Variants in GNS observed in about 807,000 individuals in gnomAD.
The protein encoded by GNS is glucosamine (N-acetyl)-6-sulfatase.
GNS carries 40 observed loss-of-function variants against 69.7 expected under a neutral mutation model. That is an observed-to-expected ratio of 0.57 (90% CI 0.45 to 0.75). The LOEUF (loss-of-function observed/expected upper bound fraction) is 0.75, where lower values mean the gene tolerates loss of function less well. GNS is among the 30% of genes least tolerant of loss of function. The pLI is 0.00. For missense variants in GNS, 565 were observed against 685.5 expected, an observed-to-expected ratio of 0.82 and a Z score of 1.96; for synonymous variants, 243 against 251.6, an observed-to-expected ratio of 0.97 and a Z score of 0.32.
intron 6 of GNS, among the ~76,000 whole-genome samples, chr12:64,740,956 T>TA (rs1317341431): frequency 6.6e-6 from 1 of 152,148 alleles, no homozygotes; most frequent in Non-Finnish European, 1.5e-5. Context: ...TTGGCAGTAT[T>TA]AAGAGATTTT....
intron 13 of GNS, among the ~76,000 whole-genome samples, chr12:64,717,298 T>A (rs1403569279): frequency 1.3e-5 from 2 of 152,154 alleles, no homozygotes; most frequent in African/African-American, 4.8e-5. Context: ...AAAAAAATCA[T>A]ACAGCAAGAC....
intron 10 of GNS, among the ~76,000 whole-genome samples, chr12:64,726,481 A>C (rs1049768351): frequency 2.6e-5 from 4 of 152,248 alleles, no homozygotes; most frequent in Admixed American, 2.0e-4. Context: ...GTTTAGAAGC[A>C]TCTTTATAAA....
chr12:64,745,394 A>AT (rs1362441208), intron 4 of GNS, among the ~76,000 whole-genome samples: 2 of 151,354 alleles, frequency 1.3e-5, no homozygotes, highest in East Asian at 1.9e-4. Flanking sequence ...TAATTTTAAA[A>AT]TTTTTTGTTG....
Position 64,728,956 on chromosome 12 carries a change from C to G in GNS, c.1200G>C (p.Leu400Phe). The G allele has an allele frequency of 6.8e-7, 1 of 1,476,556 alleles. No individual in the cohort carries two copies. Among genetic ancestry groups the G allele is most frequent in the East Asian group, 2.3e-5 (1 of 44,204 alleles). 91.5% of individuals were successfully genotyped at this position (1,476,556 alleles called of 1,614,324 possible). Residue 400 changes from leucine to phenylalanine, a missense_variant and splice_region_variant, in exon 10 of 14, where the codon TTG (leucine) becomes TTC (phenylalanine). This residue lies in a region of GNS where 384 missense variants were observed against 511.0 expected (regional missense o/e 0.75). Coordinates refer to ENST00000258145, the MANE Select transcript of GNS (RefSeq NM_002076.4). ...QMDGMSLLPILRGASNLTWRS... is the reference protein window; with the variant it reads ...QMDGMSLLPIFRGASNLTWRS... The stretch of plus-strand genomic sequence containing the variant: ...GCCTGATTGAGGGCGCTATACTTAC[C>G]AAAATGGGCAATAAGGACATCCCAT...
chr12:64,746,123 C>T (rs572082360), intron 3 of GNS: 10 of 265,126 alleles, frequency 3.8e-5, no homozygotes, highest in South Asian at 4.1e-5. Flanking sequence ...GCTGCTTTCA[C>T]GCTACAGTGG....
chr12:64,756,616 C>T, intron 1 of GNS: 1 of 716,768 alleles, frequency 1.4e-6, no homozygotes, highest in Admixed American at 2.1e-5. Flanking sequence ...ATACTATGTA[C>T]AGCAGAGGAC....
chr12:64,720,310 G>A, intron 12 of GNS, 128 bp from the exon 13 acceptor site: 2 of 708,972 alleles, frequency 2.8e-6, no homozygotes, highest in South Asian at 1.5e-5. Context: ...TCAAGGCCCT[G>A]GAGACTCTCA....
intron 1 of GNS, among the ~76,000 whole-genome samples, chr12:64,758,089 GT>G (rs1870317444): frequency 1.3e-5 from 2 of 152,118 alleles, no homozygotes; most frequent in South Asian, 4.1e-4. Flanking sequence ...GTTTCCAAAG[GT>G]CACACATTCC....
rs1868865562 is a variant in GNS at position 64,716,616 on chromosome 12, GGACTTAAA to G, written c.*117_*124del. ...GCTGACTGGGTTGCTTTTTCAAACAGGACTTAAAGCCAGCCCAGAAACTCTTCCAGGTG... is the reference window on the plus strand; with the variant it reads ...GCTGACTGGGTTGCTTTTTCAAACAGGCCAGCCCAGAAACTCTTCCAGGTG... On this transcript the variant is annotated 3_prime_UTR_variant, in exon 14 of 14. Transcript: ENST00000258145. The G allele has an allele frequency of 1.4e-6, 1 of 733,158 alleles. No homozygotes were observed. Among genetic ancestry groups the G allele is most frequent in the African/African-American group, 1.7e-5 (1 of 57,828 alleles). The allele number at this position is 733,158 out of a possible 1,614,324, so 45.4% of individuals were successfully genotyped here.
At chr12:64,740,885 C>T (rs1869709489) in intron 6 of GNS, among the ~76,000 whole-genome samples, 197 bp from the exon 7 acceptor site, 1 of 152,158 alleles carries the variant, frequency 6.6e-6, no homozygotes, top group Non-Finnish European at 1.5e-5. Context: ...TAGATTAACT[C>T]AATCTCTCAT....
chr12:64,743,288 A>C lies in GNS; in HGVS notation c.645T>G (p.Phe215Leu), dbSNP rs1193339932. 2 of 1,612,336 alleles carry C rather than the reference A, an allele frequency of 1.2e-6. No homozygotes were observed. Among genetic ancestry groups the C allele is most frequent in the Non-Finnish European group, 1.7e-6 (2 of 1,178,406 alleles). Residue 215 changes from phenylalanine (F) to leucine (L), a missense_variant, in exon 6 of 14, where the codon TTT becomes TTG. By Grantham distance (22) the Phe-to-Leu change is conservative (BLOSUM62 0). This residue lies in a region of GNS where 384 missense variants were observed against 511.0 expected (regional missense o/e 0.75). Transcript: ENST00000258145. ...GCTCAAAGTTGGACTTGTAGTCCAG[A>C]AAGTCCAAGGAGACATTAGCCTGAC... Reference protein sequence around the residue: ...TDVLANVSLDFLDYKSNFEPF... With the variant: ...TDVLANVSLDLLDYKSNFEPF...
chr12:64,752,732 A>G lies in GNS; in HGVS notation c.218T>C (p.Leu73Pro). ...AAAAGTCATCCCCATCTCTCCGATG[A>G]GAGCTTTGGTTTTCTTTAGCGGTGT... ...GMTPLKKTKA[L>P]IGEMGMTFSS... Residue 73 changes from leucine (L) to proline (P), a missense_variant, in exon 2 of 14, where the codon CTC becomes CCC. Transcript: ENST00000258145. 1 of 1,537,856 alleles carries G rather than the reference A, an allele frequency of 6.5e-7. No homozygotes were observed. The highest frequency in any genetic ancestry group is 9.0e-7 in the Non-Finnish European group (1 of 1,111,988).
intron 2 of GNS, among the ~76,000 whole-genome samples, chr12:64,751,504 T>C (rs1427939459): frequency 3.3e-5 from 5 of 152,180 alleles, no homozygotes; most frequent in African/African-American, 4.8e-5. Flanking sequence ...GTCTTTTACC[T>C]TATGTATTTG....
chr12:64,732,750 C>T (rs545628961), intron 9 of GNS, among the ~76,000 whole-genome samples: 4 of 152,248 alleles, frequency 2.6e-5, no homozygotes, highest in South Asian at 2.1e-4. Flanking sequence ...CGTGAGCCAC[C>T]GCGCCTGGCC....
chr12:64,722,701 T>TA (rs367967853), intron 11 of GNS: 227 of 358,366 alleles, frequency 6.3e-4, no homozygotes, highest in East Asian at 1.4e-3. Flanking sequence ...TATCCCTAAT[T>TA]AAAAAAAAAT....
chr12:64,724,732 A>T (rs1309426367), intron 10 of GNS, among the ~76,000 whole-genome samples: 1 of 152,166 alleles, frequency 6.6e-6, no homozygotes, highest in Non-Finnish European at 1.5e-5. Flanking sequence ...ATGGTGGCAC[A>T]CACCTGTGGT....
intron 2 of GNS, among the ~76,000 whole-genome samples, chr12:64,748,395 A>G (rs1307580799): frequency 6.6e-6 from 1 of 150,548 alleles, no homozygotes; most frequent in African/African-American, 2.4e-5. Flanking sequence ...ATTTGTAGAG[A>G]TAACGTTCTT....
Position 64,743,921 on chromosome 12 carries a change from C to T in GNS, c.625-613G>A, listed in dbSNP as rs191171892. On this transcript the variant is annotated intron_variant, in intron 5 of 13. Coordinates refer to ENST00000258145, the MANE Select transcript of GNS (RefSeq NM_002076.4). ...TTGTTCTGAAGTAGTTTCATGTATTCCCAACACTAACTCAACAGATACTGA... is the reference window on the plus strand; with the variant it reads ...TTGTTCTGAAGTAGTTTCATGTATTTCCAACACTAACTCAACAGATACTGA... Among the ~76,000 whole-genome samples the T allele has an allele frequency of 3.4e-3, 519 of 152,244 alleles. 1 individual carries two copies. The highest frequency in any genetic ancestry group is 8.7e-3 in the Admixed American group (133 of 15,288).
At position 64,759,112 on chromosome 12, in the gene GNS, G is replaced by A. The variant is rs1345914923; in HGVS notation, c.165C>T (p.Asp55=). The A allele has an allele frequency of 1.3e-6, 2 of 1,564,246 alleles. No individual in the cohort carries two copies. The highest frequency in any genetic ancestry group is 2.7e-5 in the African/African-American group (2 of 74,132). The change falls in exon 1 of 14, where the codon GAC becomes GAT. Residue 55 remains aspartate (D), a synonymous_variant. Transcript: ENST00000258145. ...RRPNVVLLLT[D]DQDEVLGGMT... The stretch of plus-strand genomic sequence containing the variant: ...TGCCGCCGAGCACTTCGTCCTGGTC[G>A]TCCGTGAGGAGCAGCACCACGTTGG...
Sources: allele counts gnomAD v4.1 joint callset (sites outside exome capture counted in the v4.1 genomes callset), GRCh38; gene constraint gnomAD v4.1.1; regional missense constraint gnomAD v4.1.1; transcripts MANE v1.5; gene names NCBI Gene and HGNC (gene_info 2026-07-23, HGNC 2026-07-21).